KCNJ16: variants seen among roughly 807,000 people sequenced by gnomAD.
KCNJ16 encodes inward rectifier potassium channel 16.
A neutral mutation model predicts 18.5 loss-of-function variants in KCNJ16; 15 were observed. The ratio of observed to expected loss-of-function variants is 0.81; its 90% CI spans 0.54 to 1.25. KCNJ16 has a LOEUF of 1.25. KCNJ16 is among the 50% of genes most tolerant of loss of function. KCNJ16 has a pLI of 0.00. For synonymous variants in KCNJ16, 174 were observed against 186.5 expected (o/e 0.93, Z 0.55); for missense variants, 523 against 525.7 (o/e 0.99, Z 0.05).
At chr17:70,097,630 T>G (rs912058895) in intron 1 of KCNJ16, among the ~76,000 whole-genome samples, 1 of 152,128 alleles carries the variant, frequency 6.6e-6, no homozygotes, top group Non-Finnish European at 1.5e-5. Context: ...ATTTCAAATA[T>G]TTTCTGTTCT....
At chr17:70,131,864 A>G (rs552435451) in intron 3 of KCNJ16, 131 bp from the exon 4 acceptor site, 142 of 753,312 alleles carry the variant, frequency 1.9e-4, no homozygotes, top group Non-Finnish European at 3.1e-5. Context: ...AGTAATCAAT[A>G]CTGTGCACCT....
In KCNJ16 at chr17:70,075,257, G is replaced by C. The variant is rs777327796; in HGVS notation, c.-433G>C. ...CAGGGAGGAACTGTAGGAACAAACC[G>C]GTGTCAATGGTTAACCCAGGTTCTT... On this transcript the variant is annotated 5_prime_UTR_variant, in exon 1 of 4. Coordinates refer to ENST00000392671, the MANE Select transcript of KCNJ16 (RefSeq NM_170741.4). 9 of 152,124 alleles carry C rather than the reference G, an allele frequency of 5.9e-5. No individual in the cohort carries two copies. The highest frequency in any genetic ancestry group is 4.8e-5 in the African/African-American group (2 of 41,426). The allele number at this position is 152,124 out of a possible 1,614,324, so 9.4% of individuals were successfully genotyped here. A position where few individuals can be genotyped will look rare whatever the true frequency, so the allele number is the denominator to read the frequency against.
At chr17:70,080,498 A>C (rs2071507237) in intron 1 of KCNJ16, among the ~76,000 whole-genome samples, 2 of 152,162 alleles carry the variant, frequency 1.3e-5, no homozygotes, top group South Asian at 4.2e-4. Context: ...GCTCGGGCCC[A>C]GTCATTTGTC....
rs151052999 is a variant in KCNJ16, at chr17:70,100,413, G to A, written c.-299-245G>A. Among the ~76,000 whole-genome samples the A allele has an allele frequency of 2.6e-5, 4 of 152,086 alleles. No homozygotes were observed. In the East Asian group the frequency reaches 7.7e-4, roughly 29 times the overall value. On this transcript the variant is annotated intron_variant, in intron 1 of 3. Coordinates refer to ENST00000392671, the MANE Select transcript of KCNJ16 (RefSeq NM_170741.4). Reference sequence around the variant, plus strand: ...CTTCCATCTTACCTGATACTTCTCTGCCCGTGTCTTCAGTACTGGAATTTA... The same window carrying A: ...CTTCCATCTTACCTGATACTTCTCTACCCGTGTCTTCAGTACTGGAATTTA...
chr17:70,090,237 G>A (rs573751162), intron 1 of KCNJ16, among the ~76,000 whole-genome samples: 44 of 152,198 alleles, frequency 2.9e-4, no homozygotes, highest in African/African-American at 1.0e-3. Context: ...TGGGTTTTTT[G>A]TTTTTCCCTT....
At chr17:70,097,021 A>C in intron 1 of KCNJ16, 1 of 394,372 alleles carries the variant, frequency 2.5e-6, no homozygotes, top group South Asian at 1.3e-4. Context: ...AGAAATCTCC[A>C]TGGTGAAATG....
In KCNJ16 at chr17:70,132,232, C is replaced by T. The variant is rs1263025424; in HGVS notation, c.145C>T (p.His49Tyr). ...TGGCAGCTGTAATGTCTACTTCAAG[C>T]ACATTTTTGGAGAATGGGGAAGCTA... is the stretch of plus-strand genomic sequence containing the variant. ...KDGSCNVYFK[H>Y]IFGEWGSYVV... Residue 49 changes from histidine to tyrosine, a missense_variant, in exon 4 of 4, where the codon CAC becomes TAC. By Grantham distance (83) the His-to-Tyr change is moderately conservative. Coordinates refer to ENST00000392671, the MANE Select transcript of KCNJ16 (RefSeq NM_170741.4). 1.2e-6 allele frequency: 2 copies of T among 1,614,232 alleles called. No individual in the cohort carries two copies. Among genetic ancestry groups the T allele is most frequent in the Non-Finnish European group, 1.7e-6 (2 of 1,180,038 alleles).
chr17:70,116,398 G>A (rs2073406329), intron 2 of KCNJ16, among the ~76,000 whole-genome samples: 1 of 152,044 alleles, frequency 6.6e-6, no homozygotes, highest in Non-Finnish European at 1.5e-5. Flanking sequence ...ATGTAGTCGT[G>A]TCTTTGTATT....
chr17:70,132,040 T>C lies in KCNJ16; in HGVS notation c.-48T>C, dbSNP rs2074072514. 6.2e-6 allele frequency: 10 copies of C among 1,612,014 alleles called. No individual in the cohort carries two copies. Among genetic ancestry groups the C allele is most frequent in the Admixed American group, 5.0e-5 (3 of 59,834 alleles). ...CCAAGAAATAGCAACAAGTCTAGAA[T>C]TCTTACTACTACAAAACTCACCTGG... On this transcript the variant is annotated 5_prime_UTR_variant, in exon 4 of 4. Coordinates refer to ENST00000392671, the MANE Select transcript of KCNJ16 (RefSeq NM_170741.4).
chr17:70,098,426 A>T (rs1290377014), intron 1 of KCNJ16, among the ~76,000 whole-genome samples: 2 of 152,116 alleles, frequency 1.3e-5, no homozygotes, highest in African/African-American at 4.8e-5. Context: ...TATCATAAGG[A>T]CTTAAATGCT....
intron 1 of KCNJ16, among the ~76,000 whole-genome samples, chr17:70,098,822 T>C (rs1471296898): frequency 6.6e-6 from 1 of 152,204 alleles, no homozygotes; most frequent in African/African-American, 2.4e-5. Flanking sequence ...TGGACTGATA[T>C]GGGGCTGGTC....
At chr17:70,125,459 C>A (rs1036885949) in intron 2 of KCNJ16, among the ~76,000 whole-genome samples, 5 of 152,024 alleles carry the variant, frequency 3.3e-5, no homozygotes, top group African/African-American at 1.2e-4. Context: ...GCCAGTGGAG[C>A]ACCCTTTGAG....
At chr17:70,114,804 T>C (rs951739915) in intron 2 of KCNJ16, among the ~76,000 whole-genome samples, 7 of 152,070 alleles carry the variant, frequency 4.6e-5, no homozygotes, top group African/African-American at 1.7e-4. Flanking sequence ...TCTCTCCCCA[T>C]TTGGGTCTAC....
intron 1 of KCNJ16, among the ~76,000 whole-genome samples, chr17:70,080,066 TTTAA>T (rs1329721841): frequency 3.3e-5 from 5 of 152,230 alleles, no homozygotes; most frequent in Non-Finnish European, 7.3e-5. Context: ...AAAAGATTTT[TTTAA>T]ATTGAGGTAA....
Position 70,133,466 on chromosome 17 carries a change from A to T in KCNJ16, c.*122A>T. On this transcript the variant is annotated 3_prime_UTR_variant, in exon 4 of 4. Transcript: ENST00000392671. Reference sequence around the variant, plus strand: ...TGTTTTATGATGATGCTGGGTAAGTAGAGTAAGTTAAACTTGGTAAAAGAT... The same window carrying T: ...TGTTTTATGATGATGCTGGGTAAGTTGAGTAAGTTAAACTTGGTAAAAGAT... 1.3e-6 allele frequency: 1 copy of T among 755,076 alleles called. No homozygotes were observed. Among genetic ancestry groups the T allele is most frequent in the Non-Finnish European group, 2.1e-6 (1 of 472,112 alleles). The allele number at this position is 755,076 out of a possible 1,614,324, so 46.8% of individuals were successfully genotyped here.
At position 70,133,481 on chromosome 17, in the gene KCNJ16, TG is replaced by T. The variant is rs1221265889; in HGVS notation, c.*139del. On this transcript the variant is annotated 3_prime_UTR_variant, in exon 4 of 4. Transcript: ENST00000392671. ...CTGGGTAAGTAGAGTAAGTTAAACT[TG>T]GTAAAAGATAATCTAAAAATTCCAT... 1.0e-5 allele frequency: 7 copies of T among 684,728 alleles called. No individual in the cohort carries two copies. The highest frequency in any genetic ancestry group is 1.7e-5 in the Non-Finnish European group (7 of 423,104). The allele number at this position is 684,728 out of a possible 1,614,324, so 42.4% of individuals were successfully genotyped here.
chr17:70,098,587 G>A (rs141061220), intron 1 of KCNJ16, among the ~76,000 whole-genome samples: 18 of 147,662 alleles, frequency 1.2e-4, no homozygotes, highest in Non-Finnish European at 2.1e-4. Flanking sequence ...ATTGTATTAC[G>A]TGTGTGTGTG....
chr17:70,121,258 T>G (rs189014555), intron 2 of KCNJ16, among the ~76,000 whole-genome samples: 3 of 152,284 alleles, frequency 2.0e-5, no homozygotes, highest in East Asian at 3.9e-4. Flanking sequence ...AAACTCCAGT[T>G]TAATGTAATC....
intron 2 of KCNJ16, among the ~76,000 whole-genome samples, chr17:70,115,078 C>T (rs772663527): frequency 2.0e-5 from 3 of 152,092 alleles, no homozygotes; most frequent in Non-Finnish European, 2.9e-5. Flanking sequence ...CAAGCAGGTA[C>T]TTAAACTTAA....
Sources: gnomAD v4.1 joint callset for allele counts (sites outside exome capture counted in the v4.1 genomes callset) on GRCh38, gnomAD v4.1.1 for gene constraint, MANE v1.5 for transcripts, NCBI Gene and HGNC (gene_info 2026-07-23, HGNC 2026-07-21) for gene names.